Variants in HOXA3 observed in about 807,000 individuals in gnomAD.
The protein encoded by HOXA3 is homeobox A3, also known as homeobox protein Hox-A3.
Under a neutral mutation model 30.3 loss-of-function variants are expected in HOXA3, and 8 were observed. That is an observed-to-expected ratio of 0.26 (90% CI 0.15 to 0.48). HOXA3 has a LOEUF of 0.48. Ranked by LOEUF, HOXA3 falls within the 20% of genes least tolerant of loss-of-function variation. HOXA3 has a pLI of 0.99. For missense variants in HOXA3, 653 were observed against 614.4 expected, an observed-to-expected ratio of 1.06 and a Z score of -0.66; for synonymous variants, 323 against 273.1, an observed-to-expected ratio of 1.18 and a Z score of -1.80.
Position 27,108,710 on chromosome 7 carries a change from G to A in HOXA3, c.537C>T (p.Cys179=), listed in dbSNP as rs1329429873. The change falls in exon 6 of 6, where the codon TGC becomes TGT. Residue 179 remains cysteine (C), a synonymous_variant. Transcript: ENST00000612286. The surrounding 1 kb of genome is among the most constrained non-coding windows in gnomAD (Gnocchi z 5.0). Reference sequence around the variant, plus strand: ...GCCCCGGCGGGCTCTTGTCGCCAGCGCAGCTTTCGCCTGCGAGGACAGAGA... The same window carrying A: ...GCCCCGGCGGGCTCTTGTCGCCAGCACAGCTTTCGCCTGCGAGGACAGAGA... ...KTSSSSSGES[C]AGDKSPPGQA... is the part of the protein sequence containing the mutation. 5 of 1,599,028 alleles carry A rather than the reference G, an allele frequency of 3.1e-6. No individual in the cohort carries two copies. In the African/African-American group the frequency reaches 6.7e-5, roughly 21 times the overall value.
At chr7:27,138,302 T>C (rs932066884) in intron 2 of HOXA3, among the ~76,000 whole-genome samples, 2 of 152,250 alleles carry the variant, frequency 1.3e-5, no homozygotes, top group Admixed American at 6.5e-5. Flanking sequence ...AAAAACTTTC[T>C]AGGTTTTGCT....
chr7:27,149,085 C>A lies in HOXA3; in HGVS notation c.-494+3203G>T, dbSNP rs376545776. Among the ~76,000 whole-genome samples, 40 of 152,344 alleles carry A rather than the reference C, an allele frequency of 2.6e-4. 1 individual carries two copies. In the East Asian group the frequency reaches 4.1e-3, roughly 15 times the overall value. On this transcript the variant is annotated intron_variant, in intron 1 of 5. Coordinates refer to ENST00000612286, the MANE Select transcript of HOXA3 (RefSeq NM_153631.3). ...GCTTTCACTGCTGTCCCAGGCCTGG[C>A]GGTCCCCAGACAGGACATTAAAAGC...
At chr7:27,130,487 C>T (rs773957594) in intron 2 of HOXA3, 11 of 1,274,500 alleles carry the variant, frequency 8.6e-6, no homozygotes, top group Admixed American at 8.0e-5. Flanking sequence ...GCAGGGTAGG[C>T]GGGCTCGCGG....
Position 27,143,034 on chromosome 7 carries a change from G to A in HOXA3, c.-493-2848C>T, listed in dbSNP as rs1412552202. 2.7e-6 allele frequency: 4 copies of A among 1,500,630 alleles called. No individual in the cohort carries two copies. In the South Asian group the frequency reaches 4.1e-5, roughly 15 times the overall value. 93.0% of individuals were successfully genotyped at this position (1,500,630 alleles called of 1,614,324 possible). On this transcript the variant is annotated intron_variant, in intron 1 of 5. Transcript: ENST00000612286. ...CCGCGGTCGCGTGGATTTAGAAAAA[G>A]GCTGGCTTTACCATGACTTATGTGC...
chr7:27,108,486 C>T lies in HOXA3; in HGVS notation c.761G>A (p.Gly254Asp), dbSNP rs777531613. The T allele has an allele frequency of 2.5e-6, 4 of 1,614,112 alleles. No homozygotes were observed. Among genetic ancestry groups the T allele is most frequent in the Non-Finnish European group, 2.5e-6 (3 of 1,179,986 alleles). ...CTGGCCCCCCGATGACGTTAGCATGCCCTTGCCCTTCTGATCCTTTTTGTA... is the reference window on the plus strand; with the variant it reads ...CTGGCCCCCCGATGACGTTAGCATGTCCTTGCCCTTCTGATCCTTTTTGTA... The part of the protein sequence containing the change: ...MKYKKDQKGK[G>D]MLTSSGGQSP... Residue 254 changes from glycine (G) to aspartate (D), a missense_variant, in exon 6 of 6, where the codon GGC (glycine) becomes GAC (aspartate). Physicochemically the swap from Gly to Asp is moderately conservative, Grantham distance 94 (BLOSUM62 -1). Coordinates refer to ENST00000612286, the MANE Select transcript of HOXA3 (RefSeq NM_153631.3). This position sits in a 1 kb window ranked among gnomAD's most constrained non-coding sequence, Gnocchi z 5.0.
chr7:27,130,932 G>T, intron 2 of HOXA3: 1 of 616,352 alleles, frequency 1.6e-6, no homozygotes, highest in Non-Finnish European at 2.9e-6. Context: ...CCAGCCCAGC[G>T]CGCGCCCCGC....
intron 4 of HOXA3, chr7:27,115,435 A>T (rs1171414425): frequency 6.6e-6 from 1 of 152,222 alleles, no homozygotes; most frequent in Admixed American, 6.5e-5. Context: ...TTTTCTCTTC[A>T]AACCCGCCCG....
At position 27,107,693 on chromosome 7, in the gene HOXA3, A is replaced by G. The variant is rs1176593586; in HGVS notation, c.*222T>C. ...GGAGCAGGAAGAGATAAATATCGCT[A>G]TGATACAGCCATTCCAGCAACCAAG... On this transcript the variant is annotated 3_prime_UTR_variant, in exon 6 of 6. Transcript: ENST00000612286. 18 of 432,694 alleles carry G rather than the reference A, an allele frequency of 4.2e-5. No individual in the cohort carries two copies. The highest frequency in any genetic ancestry group is 6.5e-5 in the Non-Finnish European group (16 of 246,728). The allele number at this position is 432,694 out of a possible 1,614,324, so 26.8% of individuals were successfully genotyped here.
rs1265539381 is a variant in HOXA3, at chr7:27,107,951, T to C, written c.1296A>G (p.Gly432=). ...TDLTGHHPSQ[G]RIQEAPKLTH... is the part of the protein sequence containing the mutation. The stretch of plus-strand genomic sequence containing the variant: ...TGAGCTTGGGTGCTTCCTGAATTCT[T>C]CCCTGAGAAGGATGGTGGCCGGTAA... Residue 432 remains glycine, a synonymous_variant, in exon 6 of 6, where the codon GGA becomes GGG. Transcript: ENST00000612286. 1.9e-6 allele frequency: 3 copies of C among 1,592,762 alleles called. No homozygotes were observed. In the Admixed American group the frequency reaches 5.1e-5, roughly 27 times the overall value.
chr7:27,147,337 G>A, intron 1 of HOXA3: 1 of 1,614,120 alleles, frequency 6.2e-7, no homozygotes, highest in Admixed American at 1.7e-5. Context: ...CTGCATCCAA[G>A]GGTAAACCGG....
chr7:27,130,889 A>G, intron 2 of HOXA3: 3 of 633,268 alleles, frequency 4.7e-6, no homozygotes, highest in Non-Finnish European at 7.7e-6. Flanking sequence ...CCCCTCCCGC[A>G]GACGCCGCCA....
chr7:27,135,695 A>C lies in HOXA3; in HGVS notation c.-390+4388T>G, dbSNP rs569149741. 3.3e-5 allele frequency among the ~76,000 whole-genome samples: 5 copies of C among 152,348 alleles called. No individual in the cohort carries two copies. In the South Asian group the frequency reaches 1.0e-3, roughly 32 times the overall value. ...CAATCAGAATCCCTCTTTTCAAATA[A>C]AGGAGGTTTCCTGCACCATTCTGTT... On this transcript the variant is annotated intron_variant, in intron 2 of 5. Transcript: ENST00000612286.
chr7:27,147,110 C>T (rs1047663941), intron 1 of HOXA3: 1 of 616,466 alleles, frequency 1.6e-6, no homozygotes, highest in South Asian at 2.1e-5. Context: ...GACACTGGGG[C>T]CTTGCCCTTC....
At chr7:27,141,733 C>T in intron 1 of HOXA3, 1 of 1,435,588 alleles carries the variant, frequency 7.0e-7, no homozygotes, top group Non-Finnish European at 9.5e-7. Flanking sequence ...GAGAACAGGG[C>T]TTCTTCACAG....
At chr7:27,119,611 C>CT (rs1420169052) in intron 4 of HOXA3, 1 of 152,166 alleles carries the variant, frequency 6.6e-6, no homozygotes, top group Non-Finnish European at 1.5e-5. Context: ...AGGCCATATT[C>CT]TTTTTTTCCT....
At chr7:27,138,600 A>G (rs749200968) in intron 2 of HOXA3, among the ~76,000 whole-genome samples, 5 of 152,184 alleles carry the variant, frequency 3.3e-5, no homozygotes, top group Non-Finnish European at 5.9e-5. Context: ...CCATCCAGAA[A>G]AAGATCCCAG....
chr7:27,120,230 G>T (rs148025858), intron 4 of HOXA3, among the ~76,000 whole-genome samples: 126 of 152,188 alleles, frequency 8.3e-4, no homozygotes, highest in African/African-American at 2.9e-3. Flanking sequence ...TGGAACAGTC[G>T]AGCAAATGAA....
chr7:27,130,234 G>A lies in HOXA3; in HGVS notation c.-389-3164C>T, dbSNP rs780432017. The A allele has an allele frequency of 1.4e-5, 18 of 1,330,460 alleles. No homozygotes were observed. The highest frequency in any genetic ancestry group is 7.7e-5 in the African/African-American group (5 of 64,530). The allele number at this position is 1,330,460 out of a possible 1,614,324, so 82.4% of individuals were successfully genotyped here. A position where few individuals can be genotyped will look rare whatever the true frequency, so the allele number is the denominator to read the frequency against. The stretch of plus-strand genomic sequence containing the variant: ...GCACGCGGGGGCGCTGCCCCCTGCC[G>A]GGACGCCTGGGGTGGCGGGGGCCGC... On this transcript the variant is annotated intron_variant, in intron 2 of 5. Coordinates refer to ENST00000612286, the MANE Select transcript of HOXA3 (RefSeq NM_153631.3).
chr7:27,113,992 G>C lies in HOXA3; in HGVS notation c.-120-3232C>G, dbSNP rs1261846444. The C allele has an allele frequency of 6.6e-6, 1 of 151,528 alleles. No homozygotes were observed. The highest frequency in any genetic ancestry group is 2.4e-5 in the African/African-American group (1 of 41,286). 9.4% of individuals were successfully genotyped at this position (151,528 alleles called of 1,614,324 possible). On this transcript the variant is annotated intron_variant, in intron 4 of 5. Coordinates refer to ENST00000612286, the MANE Select transcript of HOXA3 (RefSeq NM_153631.3). The surrounding 1 kb of genome is among the most constrained non-coding windows in gnomAD (Gnocchi z 4.8). Reference sequence around the variant, plus strand: ...CTGCCTGGGCTAGTGGCACCGACTTGGGTATGTTTCTTATGAATATTACAC... The same window carrying C: ...CTGCCTGGGCTAGTGGCACCGACTTCGGTATGTTTCTTATGAATATTACAC...
Sources: allele counts gnomAD v4.1 joint callset (sites outside exome capture counted in the v4.1 genomes callset), GRCh38; gene constraint gnomAD v4.1.1; non-coding constraint Gnocchi (gnomAD v3.1); transcripts MANE v1.5; gene names NCBI Gene and HGNC (gene_info 2026-07-23, HGNC 2026-07-21).